Variants in TBXAS1 observed in about 807,000 individuals in gnomAD.
TBXAS1 encodes thromboxane-A synthase.
TBXAS1 carries 48 observed loss-of-function variants against 60.7 expected under a neutral mutation model. The ratio of observed to expected loss-of-function variants is 0.79; its 90% CI spans 0.63 to 1.01. The LOEUF is 1.01. Ranked by LOEUF, TBXAS1 falls within the 50% of genes least tolerant of loss-of-function variation. The pLI, the probability that TBXAS1 is intolerant of heterozygous loss-of-function variation, is 0.00. For missense variants in TBXAS1, 685 were observed against 686.3 expected (o/e 1.00, Z 0.02); for synonymous variants, 287 against 269.7 (o/e 1.06, Z -0.63).
In TBXAS1 at chr7:139,901,751, C is replaced by T. The variant is rs771386606; in HGVS notation, c.237-9474C>T. On this transcript the variant is annotated intron_variant, in intron 3 of 12. Transcript: ENST00000448866. ...TCCGCAGTTGGTTTTGACAAGCCCT[C>T]GAGGCTGGAAACCATGGCCCTAGGA... Among the ~76,000 whole-genome samples, 11 of 151,788 alleles carry T rather than the reference C, an allele frequency of 7.2e-5. No individual in the cohort carries two copies. The East Asian group carries it at 9.6e-4, about 13-fold the overall frequency.
rs367988203 is a variant in TBXAS1 at position 139,962,234 on chromosome 7, G to T, written c.1134+1G>T. The T allele has an allele frequency of 6.2e-7, 1 of 1,614,096 alleles. No homozygotes were observed. Among genetic ancestry groups the T allele is most frequent in the African/African-American group, 1.3e-5 (1 of 75,060 alleles). ...GGTAGACGTTTTTAAGGAGAAACAC[G>T]TGAGTACAAGTTGGATCCAGTTACC... is the stretch of plus-strand genomic sequence containing the variant. On this transcript the variant is annotated splice_donor_variant, in intron 9 of 12. Transcript: ENST00000448866. LOFTEE classifies it high-confidence loss of function.
chr7:139,948,207 G>A (rs376470211), intron 5 of TBXAS1, among the ~76,000 whole-genome samples: 5 of 152,148 alleles, frequency 3.3e-5, no homozygotes, highest in African/African-American at 4.8e-5. Context: ...GGGTGCCAGC[G>A]TTGTTGGTTT....
At chr7:139,853,158 G>A (rs1161239772) in intron 1 of TBXAS1, among the ~76,000 whole-genome samples, 4 of 152,158 alleles carry the variant, frequency 2.6e-5, no homozygotes, top group East Asian at 3.9e-4. Context: ...AAGCCCTGTT[G>A]ACTTAGTGGC....
intron 4 of TBXAS1, among the ~76,000 whole-genome samples, chr7:139,821,992 T>A (rs1672477102): frequency 6.6e-6 from 1 of 152,218 alleles, no homozygotes; most frequent in South Asian, 2.1e-4. Context: ...TATTGAGTGC[T>A]CCCTGTGAGC....
At chr7:140,012,250 T>A (rs1180235816) in intron 10 of TBXAS1, among the ~76,000 whole-genome samples, 1 of 152,188 alleles carries the variant, frequency 6.6e-6, no homozygotes, top group Admixed American at 6.6e-5. Context: ...GGGGCTTGGT[T>A]TTCTTGCTGT....
intron 7 of TBXAS1, 85 bp from the exon 8 acceptor site, chr7:139,957,549 C>T: frequency 6.3e-7 from 1 of 1,595,214 alleles, no homozygotes; most frequent in Non-Finnish European, 8.6e-7. Flanking sequence ...TCCAGGCCCG[C>T]GTTTGCTTCC....
intron 9 of TBXAS1, among the ~76,000 whole-genome samples, chr7:139,971,763 T>A (rs931553405): frequency 6.6e-6 from 1 of 152,198 alleles, no homozygotes; most frequent in African/African-American, 2.4e-5. Context: ...TGCCTCTCCC[T>A]GCCCACCCTC....
At chr7:139,804,810 C>T (rs1797805080) in intron 4 of TBXAS1, among the ~76,000 whole-genome samples, 1 of 152,204 alleles carries the variant, frequency 6.6e-6, no homozygotes, top group African/African-American at 2.4e-5. Flanking sequence ...TGAGGCCTCC[C>T]ACCCATGTGA....
rs984741114 is a variant in TBXAS1 at position 139,909,011 on chromosome 7, T to C, written c.237-2214T>C. ...ATGTGCCACTTCCTTCTGGCTTCCA[T>C]GGTTCCTGATAAAAAAAACCTGCTG... On this transcript the variant is annotated intron_variant, in intron 3 of 12. Coordinates refer to ENST00000448866, the MANE Select transcript of TBXAS1 (RefSeq NM_001061.7). Among the ~76,000 whole-genome samples, 6 of 152,274 alleles carry C rather than the reference T, an allele frequency of 3.9e-5. 1 individual carries two copies. The Middle Eastern group carries it at 0.02, about 518-fold the overall frequency.
chr7:139,815,435 C>T (rs1268735133), intron 4 of TBXAS1, among the ~76,000 whole-genome samples: 1 of 152,218 alleles, frequency 6.6e-6, no homozygotes, highest in South Asian at 2.1e-4. Context: ...TAATCCGCAG[C>T]TCTTTCATCA....
intron 5 of TBXAS1, among the ~76,000 whole-genome samples, chr7:139,944,117 C>A (rs866674721): frequency 2.0e-5 from 3 of 152,242 alleles, no homozygotes; most frequent in African/African-American, 4.8e-5. Flanking sequence ...GCATTATTAC[C>A]AATCGTGGAA....
chr7:139,855,535 C>T (rs1285132284), intron 1 of TBXAS1, among the ~76,000 whole-genome samples: 1 of 152,004 alleles, frequency 6.6e-6, no homozygotes, highest in African/African-American at 2.4e-5. Flanking sequence ...TGAAGTGGGC[C>T]TCATGAAAGA....
At chr7:139,937,780 G>A (rs946305426) in intron 5 of TBXAS1, among the ~76,000 whole-genome samples, 27 of 152,034 alleles carry the variant, frequency 1.8e-4, no homozygotes, top group African/African-American at 5.8e-4. Flanking sequence ...ATCCAGCTCC[G>A]GAGCGCTCTT....
rs567355150 is a variant in TBXAS1 at position 139,938,082 on chromosome 7, T to C, written c.450+1775T>C. Among the ~76,000 whole-genome samples, 130 of 152,332 alleles carry C rather than the reference T, an allele frequency of 8.5e-4. No homozygotes were observed. The South Asian group carries it at 0.027, about 31-fold the overall frequency. On this transcript the variant is annotated intron_variant, in intron 5 of 12. Transcript: ENST00000448866. ...AAAATAGAGTCCCCATCTGATCACA[T>C]GGGCTTGCTATGCTAATACTTCACC...
At chr7:139,779,321 G>A (rs1313944797) in intron 1 of TBXAS1, among the ~76,000 whole-genome samples, 1 of 152,050 alleles carries the variant, frequency 6.6e-6, no homozygotes, top group Non-Finnish European at 1.5e-5. Context: ...GGTACATCAC[G>A]ACACCTTCCT....
intron 4 of TBXAS1, among the ~76,000 whole-genome samples, chr7:139,810,326 G>A (rs1311298460): frequency 2.0e-5 from 3 of 152,090 alleles, no homozygotes; most frequent in African/African-American, 7.2e-5. Flanking sequence ...GAGCCACTGT[G>A]CCCGGCCTGG....
chr7:139,955,057 G>A (rs576043529), intron 6 of TBXAS1, among the ~76,000 whole-genome samples: 21 of 152,194 alleles, frequency 1.4e-4, no homozygotes, highest in Non-Finnish European at 2.8e-4. Flanking sequence ...GCTGTGCAGA[G>A]CTTTGGGTAC....
intron 4 of TBXAS1, among the ~76,000 whole-genome samples, chr7:139,819,747 C>T (rs1011201033): frequency 6.6e-6 from 1 of 152,096 alleles, no homozygotes; most frequent in Admixed American, 6.6e-5. Context: ...AAGTGATCCA[C>T]CTGCCTTGGC....
intron 3 of TBXAS1, among the ~76,000 whole-genome samples, chr7:139,878,153 C>T (rs1584747921): frequency 7.7e-6 from 1 of 130,498 alleles, no homozygotes; most frequent in South Asian, 2.5e-4. Flanking sequence ...GAGAGAATGA[C>T]AGAGAAAAAG....
Sources: allele counts gnomAD v4.1 joint callset (sites outside exome capture counted in the v4.1 genomes callset), GRCh38; gene constraint gnomAD v4.1.1; transcripts MANE v1.5; gene names NCBI Gene and HGNC (gene_info 2026-07-23, HGNC 2026-07-21).